Variants in TRIOBP observed in about 807,000 individuals in gnomAD.
TRIOBP encodes TRIO and F-actin binding protein.
A neutral mutation model predicts 238.8 loss-of-function variants in TRIOBP; 169 were observed. That is an observed-to-expected ratio of 0.71 (90% CI 0.62 to 0.80). The LOEUF (loss-of-function observed/expected upper bound fraction) is 0.80, where lower values mean the gene tolerates loss of function less well. TRIOBP is among the 30% of genes least tolerant of loss of function. The pLI, the probability that TRIOBP is intolerant of heterozygous loss-of-function variation, is 0.00. For missense variants in TRIOBP, 2,838 were observed against 3,122.6 expected, an observed-to-expected ratio of 0.91 and a Z score of 2.17; for synonymous variants, 1,150 against 1,274.4, an observed-to-expected ratio of 0.90 and a Z score of 2.08.
intron 7 of TRIOBP, among the ~76,000 whole-genome samples, chr22:37,730,494 A>G (rs948339653): frequency 2.6e-5 from 4 of 152,100 alleles, no homozygotes; most frequent in South Asian, 4.2e-4. Flanking sequence ...TGTTTCCACT[A>G]TTGTCCTCCT....
At chr22:37,734,332 G>A in intron 8 of TRIOBP, 67 bp from the exon 9 acceptor site, 2 of 1,454,734 alleles carry the variant, frequency 1.4e-6, no homozygotes, top group Non-Finnish European at 1.9e-6. Flanking sequence ...GGGGGCCTAA[G>A]AAAGGCAGAG....
At chr22:37,702,992 T>G (rs2145811305) in intron 3 of TRIOBP, among the ~76,000 whole-genome samples, 1 of 151,616 alleles carries the variant, frequency 6.6e-6, no homozygotes, top group African/African-American at 2.4e-5. Context: ...GAATCCTTTT[T>G]TTTCTTTCTT....
intron 3 of TRIOBP, among the ~76,000 whole-genome samples, chr22:37,709,081 T>A (rs150448859): frequency 8.2e-4 from 125 of 152,276 alleles, no homozygotes; most frequent in African/African-American, 3.0e-3. Flanking sequence ...CGAGCTCTGA[T>A]CAGAATCTGG....
intron 11 of TRIOBP, chr22:37,746,527 A>G: frequency 1.0e-6 from 1 of 988,372 alleles, no homozygotes. Context: ...CATTTCCCGA[A>G]GGCGAGAGGA....
At chr22:37,703,794 C>T (rs182399297) in intron 3 of TRIOBP, among the ~76,000 whole-genome samples, 61 of 152,154 alleles carry the variant, frequency 4.0e-4, no homozygotes, top group African/African-American at 1.2e-3. Flanking sequence ...CATGAGCCAC[C>T]GCGCCCAGCT....
At chr22:37,738,198 TGATG>T (rs1335159129) in intron 9 of TRIOBP, among the ~76,000 whole-genome samples, 1 of 152,148 alleles carries the variant, frequency 6.6e-6, no homozygotes, top group Non-Finnish European at 1.5e-5. Context: ...AGATGGGTGA[TGATG>T]GATGGATAGC....
Position 37,699,547 on chromosome 22 carries a change from CT to C in TRIOBP, c.-60-1748del, listed in dbSNP as rs922906125. On this transcript the variant is annotated intron_variant, in intron 2 of 23. Coordinates refer to ENST00000644935, the MANE Select transcript of TRIOBP (RefSeq NM_001039141.3). Reference sequence around the variant, plus strand: ...CGCACTAGAATCACCTGGGGAATCACTTTTTTTTTTTAAGACAGAGTCTCAC... The same window carrying C: ...CGCACTAGAATCACCTGGGGAATCACTTTTTTTTTTAAGACAGAGTCTCAC... 7.9e-4 allele frequency among the ~76,000 whole-genome samples: 116 copies of C among 146,780 alleles called. 1 individual carries two copies. Among genetic ancestry groups the C allele is most frequent in the African/African-American group, 2.2e-3 (86 of 39,910 alleles).
At position 37,726,493 on chromosome 22, in the gene TRIOBP, C is replaced by T; in HGVS notation, c.3937C>T (p.Gln1313Ter). ...GRAEVERLFG[Q>*]ERRKSEAAGA... ...TGCAGAGGTGGAGCGCCTCTTCGGG[C>T]AAGAGCGCAGGTGAGCCCGGGGGTG... Residue 1313 changes from glutamine to a stop codon, truncating the protein, a stop_gained, in exon 7 of 24, where the codon CAA becomes TAA. Coordinates refer to ENST00000644935, the MANE Select transcript of TRIOBP (RefSeq NM_001039141.3). LOFTEE classifies it high-confidence loss of function. 1 of 1,519,790 alleles carries T rather than the reference C, an allele frequency of 6.6e-7. No homozygotes were observed. The highest frequency in any genetic ancestry group is 8.8e-7 in the Non-Finnish European group (1 of 1,139,608). 94.1% of individuals were successfully genotyped at this position (1,519,790 alleles called of 1,614,324 possible).
In TRIOBP at chr22:37,765,831, G is replaced by C. The variant is rs45503898; in HGVS notation, c.6472+14G>C. On this transcript the variant is annotated intron_variant, in intron 18 of 23. Transcript: ENST00000644935. Reference sequence around the variant, plus strand: ...CCACGGCCTCAGGTATGGACCCTGGGGGGGGCACAGTGGGCTGGGCTCTGA... The same window carrying C: ...CCACGGCCTCAGGTATGGACCCTGGCGGGGGCACAGTGGGCTGGGCTCTGA... 222 of 1,586,044 alleles carry C rather than the reference G, an allele frequency of 1.4e-4. No individual in the cohort carries two copies. Among genetic ancestry groups the C allele is most frequent in the African/African-American group, 9.6e-4 (71 of 74,220 alleles).
chr22:37,755,515 C>G (rs750774439), intron 14 of TRIOBP, 35 bp from the exon 15 acceptor site: 1 of 1,585,496 alleles, frequency 6.3e-7, no homozygotes, highest in South Asian at 1.1e-5. Flanking sequence ...ATGCGGCTGG[C>G]CATGTGGCAA....
Position 37,724,928 on chromosome 22 carries a change from CCAGAA to C in TRIOBP, c.2375_2379del (p.Arg792IlefsTer42), listed in dbSNP as rs1924047592. The stretch of plus-strand genomic sequence containing the variant: ...CCCAATAGAGCCACACGAGACAACC[CCAGAA>C]CATCCTGTGCCCAGCGGGACAATCT... On this transcript the variant is annotated frameshift_variant, in exon 7 of 24. Transcript: ENST00000644935. LOFTEE classifies it high-confidence loss of function. 1.9e-6 allele frequency: 3 copies of C among 1,613,790 alleles called. No individual in the cohort carries two copies. The highest frequency in any genetic ancestry group is 8.5e-7 in the Non-Finnish European group (1 of 1,179,986).
At chr22:37,708,627 C>A (rs1923076232) in intron 3 of TRIOBP, among the ~76,000 whole-genome samples, 1 of 152,234 alleles carries the variant, frequency 6.6e-6, no homozygotes, top group Non-Finnish European at 1.5e-5. Context: ...TGCTATCCTG[C>A]CGGTTTTGTA....
At position 37,725,687 on chromosome 22, in the gene TRIOBP, C is replaced by T; in HGVS notation, c.3131C>T (p.Pro1044Leu). 6.2e-7 allele frequency: 1 copy of T among 1,613,686 alleles called. No individual in the cohort carries two copies. Among genetic ancestry groups the T allele is most frequent in the Non-Finnish European group, 8.5e-7 (1 of 1,179,936 alleles). The change falls in exon 7 of 24, where the codon CCC becomes CTC. Residue 1044 changes from proline (P) to leucine (L), a missense_variant. Transcript: ENST00000644935. ...GACCCCTTCCCCTTCTTCCCAGAGC[C>T]CCGCGCCCCTGAGAGTGAACCGCCC... is the stretch of plus-strand genomic sequence containing the variant. ...QHDPFPFFPEPRAPESEPPHH... is the reference protein window; with the variant it reads ...QHDPFPFFPELRAPESEPPHH...
At position 37,776,269 on chromosome 22, in the gene TRIOBP, GAGA is replaced by G. The variant is rs778712456; in HGVS notation, c.*2492_*2494del. On this transcript the variant is annotated 3_prime_UTR_variant, in exon 24 of 24. Transcript: ENST00000644935. ...GCCCCACTATCAGAATAGCTCAGAG[GAGA>G]AGGTCTGCCAGTACCAAGTGCTGGT... 4 of 152,260 alleles carry G rather than the reference GAGA, an allele frequency of 2.6e-5. No homozygotes were observed. Among genetic ancestry groups the G allele is most frequent in the Non-Finnish European group, 2.9e-5 (2 of 68,054 alleles). 9.4% of individuals were successfully genotyped at this position (152,260 alleles called of 1,614,324 possible).
chr22:37,757,819 C>A lies in TRIOBP; in HGVS notation c.5894C>A (p.Thr1965Asn), dbSNP rs1227609009. 1.3e-6 allele frequency: 2 copies of A among 1,548,964 alleles called. No homozygotes were observed. The highest frequency in any genetic ancestry group is 2.4e-5 in the South Asian group (2 of 84,064). ...CAGCGGGCCCGCACCCCAGCCCGCA[C>A]TCCTGACCGCCTGGCCAAGCAGGAG... Reference protein sequence around the residue: ...SPQRARTPARTPDRLAKQEEL... With the variant: ...SPQRARTPARNPDRLAKQEEL... Residue 1965 changes from threonine to asparagine, a missense_variant, in exon 16 of 24, where the codon ACT becomes AAT. Thr to Asn is a moderately conservative substitution (Grantham distance 65, BLOSUM62 0). Around this residue, in one of 5 missense-constraint regions of TRIOBP, gnomAD observed 2,096 missense variants for 2,137.4 expected, o/e 0.98. Transcript: ENST00000644935.
chr22:37,713,262 AGGAGCAGGAGCCG>A lies in TRIOBP; in HGVS notation c.313_325del (p.Arg105LeufsTer10), dbSNP rs767122637. The A allele has an allele frequency of 1.9e-6, 3 of 1,613,886 alleles. No individual in the cohort carries two copies. In the Admixed American group the frequency reaches 5.0e-5, roughly 27 times the overall value. On this transcript the variant is annotated frameshift_variant, in exon 5 of 24. Coordinates refer to ENST00000644935, the MANE Select transcript of TRIOBP (RefSeq NM_001039141.3). LOFTEE classifies it high-confidence loss of function. ...AGAAGAGGGTCCCACAGCTGCCCCC[AGGAGCAGGAGCCG>A]GGAGCTTGAGGCAGTACCCTATCTG...
At position 37,713,274 on chromosome 22, in the gene TRIOBP, C is replaced by A. The variant is rs376056274; in HGVS notation, c.319C>A (p.Arg107=). ...CACAGCTGCCCCCAGGAGCAGGAGCCGGGAGCTTGAGGCAGTACCCTATCT... is the reference window on the plus strand; with the variant it reads ...CACAGCTGCCCCCAGGAGCAGGAGCAGGGAGCTTGAGGCAGTACCCTATCT... ...GPTAAPRSRS[R]ELEAVPYLEG... The change falls in exon 5 of 24, where the codon CGG becomes AGG. Residue 107 remains arginine (R), a synonymous_variant. Coordinates refer to ENST00000644935, the MANE Select transcript of TRIOBP (RefSeq NM_001039141.3). 2 of 1,613,762 alleles carry A rather than the reference C, an allele frequency of 1.2e-6. No homozygotes were observed. The highest frequency in any genetic ancestry group is 2.7e-5 in the African/African-American group (2 of 74,896).
chr22:37,714,128 G>C (rs968562361), intron 5 of TRIOBP, among the ~76,000 whole-genome samples: 2 of 152,180 alleles, frequency 1.3e-5, no homozygotes, highest in Non-Finnish European at 2.9e-5. Flanking sequence ...AGGCTCAGCG[G>C]GGGGAGCAAC....
rs555828276 is a variant in TRIOBP at position 37,713,154 on chromosome 22, G to A, written c.255-56G>A. On this transcript the variant is annotated intron_variant, in intron 4 of 23. Transcript: ENST00000644935. Reference sequence around the variant, plus strand: ...TGTGAGTGAGTGCATATGCCTGGGTGGGGTGGGGGATGCTCCTAACTCCCC... The same window carrying A: ...TGTGAGTGAGTGCATATGCCTGGGTAGGGTGGGGGATGCTCCTAACTCCCC... The A allele has an allele frequency of 4.4e-5, 66 of 1,491,486 alleles. No individual in the cohort carries two copies. In the East Asian group the frequency reaches 1.1e-3, roughly 25 times the overall value. The allele number at this position is 1,491,486 out of a possible 1,614,324, so 92.4% of individuals were successfully genotyped here.
Sources: allele counts gnomAD v4.1 joint callset (sites outside exome capture counted in the v4.1 genomes callset), GRCh38; gene constraint gnomAD v4.1.1; regional missense constraint gnomAD v4.1.1; transcripts MANE v1.5; gene names NCBI Gene and HGNC (gene_info 2026-07-23, HGNC 2026-07-21).